ANGPTL3: variants seen among roughly 807,000 people sequenced by gnomAD.
ANGPTL3 encodes the protein angiopoietin-related protein 3.
ANGPTL3 carries 51 observed loss-of-function variants against 52.7 expected under a neutral mutation model. That is an observed-to-expected ratio of 0.97 (90% confidence interval 0.77 to 1.22). The LOEUF is 1.22. Among genes scored for constraint, ANGPTL3 ranks in the 50% most tolerant of loss-of-function variants. The pLI is 0.00. For synonymous variants in ANGPTL3, 185 were observed against 179.8 expected, an observed-to-expected ratio of 1.03 and a Z score of -0.23; for missense variants, 506 against 520.7, an observed-to-expected ratio of 0.97 and a Z score of 0.27.
At chr1:62,599,925 A>G (rs1649863549) in intron 2 of ANGPTL3, among the ~76,000 whole-genome samples, 1 of 152,000 alleles carries the variant, frequency 6.6e-6, no homozygotes, top group Non-Finnish European at 1.5e-5. Context: ...TCAAACAGCT[A>G]TTCAAGAGGA....
intron 2 of ANGPTL3, 119 bp downstream of exon 2, chr1:62,598,925 C>A: frequency 1.4e-6 from 1 of 691,850 alleles, no homozygotes; most frequent in South Asian, 1.7e-5. Context: ...ATCAGCATAA[C>A]TGTTAAAATT....
rs760497310 is a variant in ANGPTL3 at position 62,604,124 on chromosome 1, G to A, written c.1087G>A (p.Val363Ile). The change falls in exon 6 of 7, where the codon GTT (valine) becomes ATT (isoleucine). Residue 363 changes from valine to isoleucine, a missense_variant. Transcript: ENST00000371129. ...NHETNYTLHL[V>I]AITGNVPNAI... ...CGAAACCAACTATACGCTACATCTAGTTGCGATTACTGGCAATGTCCCCAA... is the reference window on the plus strand; with the variant it reads ...CGAAACCAACTATACGCTACATCTAATTGCGATTACTGGCAATGTCCCCAA... 5.6e-6 allele frequency: 9 copies of A among 1,613,368 alleles called. No individual in the cohort carries two copies. Among genetic ancestry groups the A allele is most frequent in the Non-Finnish European group, 6.8e-6 (8 of 1,179,500 alleles).
At position 62,598,043 on chromosome 1, in the gene ANGPTL3, A is replaced by C; in HGVS notation, c.477A>C (p.Pro159=). The C allele has an allele frequency of 6.3e-7, 1 of 1,586,290 alleles. No individual in the cohort carries two copies. The highest frequency in any genetic ancestry group is 8.5e-7 in the Non-Finnish European group (1 of 1,172,118). ...ATCAACCTGAAACTCCAGAACACCCAGAAGTAACTTCACTTAAAGTAAGTA... is the reference window on the plus strand; with the variant it reads ...ATCAACCTGAAACTCCAGAACACCCCGAAGTAACTTCACTTAAAGTAAGTA... The part of the protein sequence containing the change: ...IQNQPETPEH[P]EVTSLKTFVE... The change falls in exon 1 of 7, where the codon CCA becomes CCC. Residue 159 remains proline, a synonymous_variant. Transcript: ENST00000371129.
chr1:62,604,603 C>T (rs1650675540), intron 6 of ANGPTL3, 30 bp from the exon 7 acceptor site: 2 of 1,599,046 alleles, frequency 1.3e-6, no homozygotes, highest in South Asian at 1.1e-5. Context: ...CGAGTCTGTA[C>T]CCATTAAATT....
At position 62,603,979 on chromosome 1, in the gene ANGPTL3, G is replaced by C. The variant is rs1650541799; in HGVS notation, c.942G>C (p.Trp314Cys). The C allele has an allele frequency of 6.2e-7, 1 of 1,612,696 alleles. No homozygotes were observed. The highest frequency in any genetic ancestry group is 1.3e-5 in the African/African-American group (1 of 74,818). Residue 314 changes from tryptophan to cysteine, a missense_variant, in exon 6 of 7, where the codon TGG becomes TGC. Coordinates refer to ENST00000371129, the MANE Select transcript of ANGPTL3 (RefSeq NM_014495.4). ...YGFGRLDGEF[W>C]LGLEKIYSIV... is the part of the protein sequence containing the mutation. ...AACTTTTCTTTTCAGGAGAATTTTGGTTGGGCCTAGAGAAGATATACTCCA... is the reference window on the plus strand; with the variant it reads ...AACTTTTCTTTTCAGGAGAATTTTGCTTGGGCCTAGAGAAGATATACTCCA...
In ANGPTL3 at chr1:62,604,533, G is replaced by A. The variant is rs1650661688; in HGVS notation, c.1199-100G>A. 3.2e-6 allele frequency: 4 copies of A among 1,263,200 alleles called. No homozygotes were observed. The Admixed American group carries it at 5.7e-5, about 18-fold the overall frequency. The allele number at this position is 1,263,200 out of a possible 1,614,324, so 78.2% of individuals were successfully genotyped here. A position where few individuals can be genotyped will look rare whatever the true frequency, so the allele number is the denominator to read the frequency against. On this transcript the variant is annotated intron_variant, in intron 6 of 6. Coordinates refer to ENST00000371129, the MANE Select transcript of ANGPTL3 (RefSeq NM_014495.4). ...CTGGGATACATGCATCTAAAACACT[G>A]TAATATTTATAAGAAAGGAAGATAA...
intron 5 of ANGPTL3, among the ~76,000 whole-genome samples, 175 bp from the exon 6 acceptor site, chr1:62,603,794 T>C (rs962403573): frequency 1.3e-5 from 2 of 151,844 alleles, no homozygotes; most frequent in Non-Finnish European, 2.9e-5. Flanking sequence ...TTTGTGCACA[T>C]AGCTATCTTC....
rs1053529719 is a variant in ANGPTL3 at position 62,605,616 on chromosome 1, T to A, written c.*799T>A. ...AGATTACAGTAAGAATGAACATATT[T>A]GTGGCATCGAGTTAAAGTTTATATT... is the stretch of plus-strand genomic sequence containing the variant. On this transcript the variant is annotated 3_prime_UTR_variant, in exon 7 of 7. Coordinates refer to ENST00000371129, the MANE Select transcript of ANGPTL3 (RefSeq NM_014495.4). The A allele has an allele frequency of 4.6e-5, 7 of 152,418 alleles. No homozygotes were observed. Among genetic ancestry groups the A allele is most frequent in the Admixed American group, 1.3e-4 (2 of 15,256 alleles). The allele number at this position is 152,418 out of a possible 1,614,324, so 9.4% of individuals were successfully genotyped here. A position where few individuals can be genotyped will look rare whatever the true frequency, so the allele number is the denominator to read the frequency against.
In ANGPTL3 at chr1:62,598,014, C is replaced by A; in HGVS notation, c.448C>A (p.Gln150Lys). 1 of 1,573,398 alleles carries A rather than the reference C, an allele frequency of 6.4e-7. No individual in the cohort carries two copies. The highest frequency in any genetic ancestry group is 2.1e-5 in the Admixed American group (1 of 47,258). Residue 150 changes from glutamine to lysine, a missense_variant, in exon 1 of 7, where the codon CAA becomes AAA. By Grantham distance (53) the Gln-to-Lys change is moderately conservative (BLOSUM62 1). Transcript: ENST00000371129. ...YLEEQLTNLI[Q>K]NQPETPEHPE... is the part of the protein sequence containing the mutation. ...AGAAGAGCAACTAACTAACTTAATT[C>A]AAAATCAACCTGAAACTCCAGAACA...
rs911656148 is a variant in ANGPTL3 at position 62,606,261 on chromosome 1, A to G, written c.*1444A>G. The G allele has an allele frequency of 6.6e-6, 1 of 151,958 alleles. No individual in the cohort carries two copies. The highest frequency in any genetic ancestry group is 1.5e-5 in the Non-Finnish European group (1 of 67,970). 9.4% of individuals were successfully genotyped at this position (151,958 alleles called of 1,614,324 possible). On this transcript the variant is annotated 3_prime_UTR_variant, in exon 7 of 7. Coordinates refer to ENST00000371129, the MANE Select transcript of ANGPTL3 (RefSeq NM_014495.4). ...TTCCCCCAAAATTGGACAATTTCAA[A>G]TGCAAAATAATTCATTATTTAATAT...
At position 62,597,616 on chromosome 1, in the gene ANGPTL3, C is replaced by G. The variant is rs758931786; in HGVS notation, c.50C>G (p.Ser17Cys). ...TTTATTGTTCCTCTAGTTATTTCCT[C>G]CAGAATTGATCAAGACAATTCATCA... is the stretch of plus-strand genomic sequence containing the variant. ...LLFIVPLVIS[S>C]RIDQDNSSFD... The change falls in exon 1 of 7, where the codon TCC (serine) becomes TGC (cysteine). Residue 17 changes from serine to cysteine, a missense_variant. Coordinates refer to ENST00000371129, the MANE Select transcript of ANGPTL3 (RefSeq NM_014495.4). 61 of 1,612,814 alleles carry G rather than the reference C, an allele frequency of 3.8e-5. No individual in the cohort carries two copies. The highest frequency in any genetic ancestry group is 4.9e-5 in the Non-Finnish European group (58 of 1,179,290).
chr1:62,603,885 G>A (rs980304743), intron 5 of ANGPTL3, 84 bp from the exon 6 acceptor site: 12 of 1,295,362 alleles, frequency 9.3e-6, no homozygotes, highest in Non-Finnish European at 1.2e-5. Context: ...TCAATTAGTT[G>A]CACCAATAAA....
At chr1:62,603,872 A>C in intron 5 of ANGPTL3, 97 bp from the exon 6 acceptor site, 1 of 1,171,458 alleles carries the variant, frequency 8.5e-7, no homozygotes, top group African/African-American at 1.5e-5. Context: ...AAGACTAAAC[A>C]ACTCAATTAG....
At chr1:62,603,113 A>G (rs182866736) in intron 5 of ANGPTL3, among the ~76,000 whole-genome samples, 1 of 151,798 alleles carries the variant, frequency 6.6e-6, no homozygotes, top group Admixed American at 6.6e-5. Flanking sequence ...TAGAAGGTAT[A>G]CTCAGTGATA....
At chr1:62,602,976 CATGA>C in intron 5 of ANGPTL3, among the ~76,000 whole-genome samples, 1 of 151,584 alleles carries the variant, frequency 6.6e-6, no homozygotes, top group Middle Eastern at 3.4e-3. Context: ...TACAAAAATC[CATGA>C]ATGATGTCTA....
At chr1:62,602,239 C>T (rs781605325) in intron 4 of ANGPTL3, 46 bp from the exon 5 acceptor site, 2 of 1,448,612 alleles carry the variant, frequency 1.4e-6, no homozygotes, top group East Asian at 4.6e-5. Flanking sequence ...TTACATCTGT[C>T]AACATAAATC....
chr1:62,604,429 C>T (rs1650641456), intron 6 of ANGPTL3, 194 bp downstream of exon 6: 2 of 886,100 alleles, frequency 2.3e-6, no homozygotes, highest in African/African-American at 1.7e-5. Context: ...TAATCTTCCT[C>T]AGATTTTCTA....
intron 2 of ANGPTL3, among the ~76,000 whole-genome samples, chr1:62,599,321 G>A (rs1231965295): frequency 6.6e-6 from 1 of 151,868 alleles, no homozygotes; most frequent in Non-Finnish European, 1.5e-5. Flanking sequence ...CTTTGCCCTT[G>A]TTGTTTCCTC....
Position 62,601,162 on chromosome 1 carries a change from T to C in ANGPTL3, c.687T>C (p.Leu229=). 6.2e-7 allele frequency: 1 copy of C among 1,610,196 alleles called. No individual in the cohort carries two copies. The highest frequency in any genetic ancestry group is 8.5e-7 in the Non-Finnish European group (1 of 1,177,014). ...KPRAPRTTPF[L]QLNEIRNVKH... ...GAGCACCAAGAACTACTCCCTTTCT[T>C]CAGTTGAATGAAATAAGAAATGTAA... Residue 229 remains leucine (L), a synonymous_variant, in exon 3 of 7, where the codon CTT becomes CTC. Transcript: ENST00000371129.
Sources: gnomAD v4.1 joint callset for allele counts (sites outside exome capture counted in the v4.1 genomes callset) on GRCh38, gnomAD v4.1.1 for gene constraint, MANE v1.5 for transcripts, NCBI Gene and HGNC (gene_info 2026-07-23, HGNC 2026-07-21) for gene names.